COL11A1: variants seen among roughly 807,000 people sequenced by gnomAD.
The protein encoded by COL11A1 is collagen alpha-1(XI) chain.
Under a neutral mutation model 265.2 loss-of-function variants are expected in COL11A1, and 74 were observed. The observed-to-expected ratio is 0.28, with a 90% CI of 0.23 to 0.34. The LOEUF (loss-of-function observed/expected upper bound fraction) is 0.34. COL11A1 is among the 10% of genes least tolerant of loss of function. The pLI is 1.00. For missense variants in COL11A1, 2,165 were observed against 2,263.6 expected, an observed-to-expected ratio of 0.96 and a Z score of 0.88; for synonymous variants, 816 against 727.6, an observed-to-expected ratio of 1.12 and a Z score of -1.96.
chr1:102,936,076 T>C (rs1415493341), intron 44 of COL11A1, among the ~76,000 whole-genome samples: 2 of 152,182 alleles, frequency 1.3e-5, no homozygotes, highest in African/African-American at 4.8e-5. Flanking sequence ...AAAATGGCTG[T>C]TCCATCTAAG....
intron 4 of COL11A1, among the ~76,000 whole-genome samples, chr1:103,056,389 C>A (rs1016695382): frequency 6.6e-6 from 1 of 152,100 alleles, no homozygotes; most frequent in Admixed American, 6.6e-5. Flanking sequence ...CTCCTAATAG[C>A]TTCTGAATTT....
At chr1:102,881,421 A>G (rs888329733) in intron 65 of COL11A1, among the ~76,000 whole-genome samples, 23 of 152,142 alleles carry the variant, frequency 1.5e-4, no homozygotes, top group African/African-American at 5.5e-4. Flanking sequence ...ATCAATTTTT[A>G]TGATGTCTAT....
intron 26 of COL11A1, among the ~76,000 whole-genome samples, chr1:102,996,583 T>C (rs1213765244): frequency 6.6e-6 from 1 of 151,876 alleles, no homozygotes; most frequent in East Asian, 1.9e-4. Flanking sequence ...ATTTTAATGC[T>C]GTTTTAAAAT....
At chr1:103,007,773 T>A (rs895035447) in intron 15 of COL11A1, among the ~76,000 whole-genome samples, 1 of 147,330 alleles carries the variant, frequency 6.8e-6, no homozygotes, top group Non-Finnish European at 1.5e-5. Flanking sequence ...AGTAGGAGGA[T>A]CCTTTGAACC....
intron 49 of COL11A1, 84 bp from the exon 50 acceptor site, chr1:102,915,768 A>C: frequency 1.9e-6 from 2 of 1,071,868 alleles, no homozygotes; most frequent in South Asian, 1.5e-5. Flanking sequence ...ATATCATTTT[A>C]GATTAGCCCT....
chr1:103,038,420 G>A (rs1208327704), intron 4 of COL11A1, among the ~76,000 whole-genome samples: 5 of 152,162 alleles, frequency 3.3e-5, no homozygotes, highest in Non-Finnish European at 5.9e-5. Context: ...AGCCAAGATC[G>A]CGCCACTGCC....
At chr1:103,088,824 C>T (rs1571255268) in intron 1 of COL11A1, among the ~76,000 whole-genome samples, 1 of 152,098 alleles carries the variant, frequency 6.6e-6, no homozygotes, top group Non-Finnish European at 1.5e-5. Flanking sequence ...CCATGCTTGC[C>T]CAAGGAGACA....
intron 31 of COL11A1, among the ~76,000 whole-genome samples, chr1:102,982,371 T>C (rs1481146301): frequency 6.6e-6 from 1 of 152,046 alleles, no homozygotes; most frequent in African/African-American, 2.4e-5. Flanking sequence ...CCTATATTTT[T>C]AAATCAAAAC....
At chr1:102,974,770 G>C (rs1662304552) in intron 36 of COL11A1, 60 bp downstream of exon 36, 1 of 1,252,936 alleles carries the variant, frequency 8.0e-7, no homozygotes, top group African/African-American at 1.5e-5. Flanking sequence ...TGTAAGCTGT[G>C]ACTCTCAAAA....
intron 6 of COL11A1, 63 bp from the exon 7 acceptor site, chr1:103,025,676 A>C: frequency 6.4e-7 from 1 of 1,573,360 alleles, no homozygotes. Context: ...TATGGAAATC[A>C]TGATTTAATT....
chr1:102,984,462 T>G (rs569491608), intron 30 of COL11A1, among the ~76,000 whole-genome samples: 1 of 152,072 alleles, frequency 6.6e-6, no homozygotes, highest in Non-Finnish European at 1.5e-5. Context: ...CCCTGAGGTT[T>G]TAAAGAGAAC....
At chr1:102,994,739 A>G (rs2101786154) in intron 28 of COL11A1, among the ~76,000 whole-genome samples, 1 of 152,244 alleles carries the variant, frequency 6.6e-6, no homozygotes, top group South Asian at 2.1e-4. Flanking sequence ...GAAATTTTGT[A>G]GTAAGAATTA....
At chr1:102,950,323 T>C (rs1404859910) in intron 41 of COL11A1, among the ~76,000 whole-genome samples, 3 of 152,150 alleles carry the variant, frequency 2.0e-5, no homozygotes, top group African/African-American at 7.2e-5. Context: ...ATATTGTTTA[T>C]AAGTTTATTT....
chr1:102,887,695 C>T (rs1651175962), intron 62 of COL11A1, among the ~76,000 whole-genome samples: 1 of 152,094 alleles, frequency 6.6e-6, no homozygotes, highest in Admixed American at 6.6e-5. Context: ...CTCAGTATCT[C>T]AGAATGTAAT....
intron 41 of COL11A1, among the ~76,000 whole-genome samples, chr1:102,960,312 G>C (rs1570871617): frequency 6.6e-6 from 1 of 151,954 alleles, no homozygotes; most frequent in African/African-American, 2.4e-5. Context: ...TCCAATATTA[G>C]GTATTCATAA....
chr1:103,004,057 T>C (rs2622877), intron 20 of COL11A1, among the ~76,000 whole-genome samples: 1 of 152,126 alleles, frequency 6.6e-6, no homozygotes, highest in Non-Finnish European at 1.5e-5. Flanking sequence ...AAGTGATATA[T>C]TCCATATGTC....
chr1:102,939,549 A>C (rs530315480), intron 43 of COL11A1, among the ~76,000 whole-genome samples: 7 of 150,246 alleles, frequency 4.7e-5, no homozygotes, highest in Non-Finnish European at 1.0e-4. Flanking sequence ...AAATGTTTTT[A>C]AAAAGTTAGC....
At chr1:103,032,942 C>A (rs1668094066) in intron 4 of COL11A1, among the ~76,000 whole-genome samples, 1 of 152,064 alleles carries the variant, frequency 6.6e-6, no homozygotes, top group African/African-American at 2.4e-5. Flanking sequence ...CTTAGTACAG[C>A]CACAGCCTTG....
At chr1:102,951,713 G>T (rs1220649670) in intron 41 of COL11A1, among the ~76,000 whole-genome samples, 1 of 151,966 alleles carries the variant, frequency 6.6e-6, no homozygotes, top group Non-Finnish European at 1.5e-5. Context: ...GCACTCCAGA[G>T]CCTGGGCAAC....
Sources: allele counts gnomAD v4.1 joint callset (sites outside exome capture counted in the v4.1 genomes callset), GRCh38; gene constraint gnomAD v4.1.1; transcripts MANE v1.5; gene names NCBI Gene and HGNC (gene_info 2026-07-23, HGNC 2026-07-21).